The following GCNT2 variants were observed in gnomAD, a reference collection of about 807,000 sequenced individuals.
GCNT2 encodes the protein N-acetyllactosaminide beta-1,6-N-acetylglucosaminyl-transferase.
GCNT2 carries 34 observed loss-of-function variants against 34.2 expected under a neutral mutation model. The observed-to-expected ratio is 1.00, with a 90% CI of 0.76 to 1.32. The LOEUF (loss-of-function observed/expected upper bound fraction) is 1.32. Ranked by LOEUF, GCNT2 falls within the 40% of genes most tolerant of loss-of-function variation. The pLI, the probability that GCNT2 is intolerant of heterozygous loss-of-function variation, is 0.00. For missense variants in GCNT2, 584 were observed against 489.4 expected, an observed-to-expected ratio of 1.19 and a Z score of -1.82; for synonymous variants, 212 against 188.0, an observed-to-expected ratio of 1.13 and a Z score of -1.04.
intron 3 of GCNT2, among the ~76,000 whole-genome samples, chr6:10,540,190 G>A (rs1038342026): frequency 6.6e-6 from 1 of 152,132 alleles, no homozygotes; most frequent in Admixed American, 6.6e-5. Context: ...TGGCTGAAGA[G>A]GTTCCCTAGG....
In GCNT2 at chr6:10,529,558, C is replaced by G; in HGVS notation, c.647C>G (p.Thr216Ser). ...YLKGFKGKNI[T>S]PGVLPPDHAV... Reference sequence around the variant, plus strand: ...AAGGGATTTAAAGGGAAAAATATCACCCCCGGAGTGCTGCCTCCTGACCAC... The same window carrying G: ...AAGGGATTTAAAGGGAAAAATATCAGCCCCGGAGTGCTGCCTCCTGACCAC... Residue 216 changes from threonine to serine, a missense_variant, in exon 3 of 5, where the codon ACC becomes AGC. Transcript: ENST00000495262. The G allele has an allele frequency of 6.2e-7, 1 of 1,614,114 alleles. No individual in the cohort carries two copies. The highest frequency in any genetic ancestry group is 8.5e-7 in the Non-Finnish European group (1 of 1,179,972).
intron 3 of GCNT2, among the ~76,000 whole-genome samples, chr6:10,558,792 C>CT (rs1762838374): frequency 6.6e-6 from 1 of 152,264 alleles, no homozygotes; most frequent in Admixed American, 6.5e-5. Context: ...GGTGACTTTC[C>CT]TGGTGAATGC....
rs147217380 is a variant in GCNT2, at chr6:10,565,930, T to C, written c.925+36094T>C. ...CATGCGATCACATCCCTCTCCTCCT[T>C]AGAAGCTGTGTATGGATTCCCTTCC... On this transcript the variant is annotated intron_variant, in intron 3 of 4. Transcript: ENST00000495262. Among the ~76,000 whole-genome samples the C allele has an allele frequency of 5.6e-4, 85 of 152,276 alleles. 1 individual carries two copies. Among genetic ancestry groups the C allele is most frequent in the Non-Finnish European group, 9.3e-4 (63 of 68,018 alleles).
chr6:10,561,403 A>G (rs113928241), intron 3 of GCNT2, among the ~76,000 whole-genome samples: 3,775 of 152,282 alleles, frequency 0.025, 136 homozygotes, highest in African/African-American at 0.078. Flanking sequence ...CTCAGCCGAT[A>G]TGCCCACCTT....
intron 3 of GCNT2, 96 bp downstream of exon 3, chr6:10,529,932 C>G: frequency 9.9e-7 from 1 of 1,015,064 alleles, no homozygotes; most frequent in Non-Finnish European, 1.5e-6. Context: ...ATGGGACAAA[C>G]TTCTTTACGG....
intron 3 of GCNT2, among the ~76,000 whole-genome samples, chr6:10,536,257 A>G (rs1761745358): frequency 6.6e-6 from 1 of 152,190 alleles, no homozygotes; most frequent in Non-Finnish European, 1.5e-5. Flanking sequence ...AGGCGAATGG[A>G]CAGACTTGAA....
intron 3 of GCNT2, among the ~76,000 whole-genome samples, chr6:10,538,254 A>T (rs1056196720): frequency 6.6e-6 from 1 of 151,120 alleles, no homozygotes; most frequent in African/African-American, 2.4e-5. Context: ...CTAAAAAGGC[A>T]AAAATTAGCC....
chr6:10,608,144 C>G (rs1385660899), intron 3 of GCNT2, among the ~76,000 whole-genome samples: 1 of 142,910 alleles, frequency 7.0e-6, no homozygotes, highest in African/African-American at 2.7e-5. Flanking sequence ...GTGGCACGAT[C>G]TCGGCTCACT....
intron 3 of GCNT2, among the ~76,000 whole-genome samples, chr6:10,584,944 T>C (rs746662253): frequency 6.6e-6 from 1 of 152,104 alleles, no homozygotes; most frequent in Non-Finnish European, 1.5e-5. Context: ...GACTCTTTCA[T>C]GTAAAATGTC....
intron 3 of GCNT2, among the ~76,000 whole-genome samples, chr6:10,604,527 A>G (rs1765225712): frequency 2.0e-5 from 3 of 152,204 alleles, no homozygotes; most frequent in Admixed American, 2.0e-4. Flanking sequence ...TTACTGAGAC[A>G]TAATACTTGG....
chr6:10,581,856 C>T lies in GCNT2; in HGVS notation c.926-39495C>T, dbSNP rs538194704. ...AAATTTTACAGAAAAGGGTGTGGTT[C>T]TAGTAAGAATGAAGAGACATGAAGG... On this transcript the variant is annotated intron_variant, in intron 3 of 4. Coordinates refer to ENST00000495262, the MANE Select transcript of GCNT2 (RefSeq NM_145649.5). 39 of 984,660 alleles carry T rather than the reference C, an allele frequency of 4.0e-5. No individual in the cohort carries two copies. In the African/African-American group the frequency reaches 6.3e-4, roughly 16 times the overall value. The allele number at this position is 984,660 out of a possible 1,614,324, so 61.0% of individuals were successfully genotyped here. A position where few individuals can be genotyped will look rare whatever the true frequency, so the allele number is the denominator to read the frequency against.
In GCNT2 at chr6:10,569,235, C is replaced by CCACA. The variant is rs373362957; in HGVS notation, c.925+39435_925+39438dup. On this transcript the variant is annotated intron_variant, in intron 3 of 4. Transcript: ENST00000495262. The stretch of plus-strand genomic sequence containing the variant: ...CACCCCCTGCCACCCACTCCCCCCG[C>CCACA]CACACACACACACACACACACACAC... 8.9e-3 allele frequency among the ~76,000 whole-genome samples: 423 copies of CCACA among 47,510 alleles called. 20 individuals carry two copies. Among genetic ancestry groups the CCACA allele is most frequent in the East Asian group, 0.04 (50 of 1,244 alleles). 31.2% of individuals were successfully genotyped at this position (47,510 alleles called of 152,430 possible).
rs535296481 is a variant in GCNT2 at position 10,595,427 on chromosome 6, G to A, written c.926-25924G>A. Among the ~76,000 whole-genome samples, 15 of 151,986 alleles carry A rather than the reference G, an allele frequency of 9.9e-5. No individual in the cohort carries two copies. In the South Asian group the frequency reaches 2.7e-3, roughly 28 times the overall value. On this transcript the variant is annotated intron_variant, in intron 3 of 4. Coordinates refer to ENST00000495262, the MANE Select transcript of GCNT2 (RefSeq NM_145649.5). ...CAAGTAGCTGGGACTATAGGTGCCC[G>A]CCACCACACCCAGCTAATTTTTTGT...
rs554376217 is a variant in GCNT2 at position 10,563,408 on chromosome 6, G to A, written c.925+33572G>A. On this transcript the variant is annotated intron_variant, in intron 3 of 4. Transcript: ENST00000495262. Reference sequence around the variant, plus strand: ...ATTCTTATAAAACCCCATAAGAAGGGGACTGTTCCCATTTTACAGATGAGA... The same window carrying A: ...ATTCTTATAAAACCCCATAAGAAGGAGACTGTTCCCATTTTACAGATGAGA... Among the ~76,000 whole-genome samples the A allele has an allele frequency of 6.6e-5, 10 of 152,172 alleles. No individual in the cohort carries two copies. In the South Asian group the frequency reaches 2.1e-3, roughly 32 times the overall value.
intron 3 of GCNT2, among the ~76,000 whole-genome samples, chr6:10,530,502 C>T (rs1761433801): frequency 6.6e-6 from 1 of 152,098 alleles, no homozygotes; most frequent in Non-Finnish European, 1.5e-5. Flanking sequence ...TTGAAGCTCC[C>T]ATCCTTTTGA....
At chr6:10,597,383 G>A (rs533678900) in intron 3 of GCNT2, among the ~76,000 whole-genome samples, 6 of 151,916 alleles carry the variant, frequency 3.9e-5, no homozygotes, top group Middle Eastern at 3.4e-3. Flanking sequence ...TCAAACTCCC[G>A]AGCTCAAGCA....
intron 3 of GCNT2, among the ~76,000 whole-genome samples, chr6:10,611,830 T>C (rs1765569881): frequency 6.6e-6 from 1 of 152,164 alleles, no homozygotes; most frequent in South Asian, 2.1e-4. Context: ...CAATAAACTT[T>C]TGTAAAAAAT....
intron 3 of GCNT2, among the ~76,000 whole-genome samples, chr6:10,595,960 C>CT (rs771944039): frequency 6.6e-6 from 1 of 152,192 alleles, no homozygotes; most frequent in African/African-American, 2.4e-5. Flanking sequence ...TATGACAAAT[C>CT]TTTGAGTTGA....
At chr6:10,524,075 T>G (rs953064381) in intron 1 of GCNT2, among the ~76,000 whole-genome samples, 1 of 151,570 alleles carries the variant, frequency 6.6e-6, no homozygotes, top group African/African-American at 2.4e-5. Context: ...GCAGAGCCCC[T>G]TACAGCCTGC....
Sources: allele counts gnomAD v4.1 joint callset (sites outside exome capture counted in the v4.1 genomes callset), GRCh38; gene constraint gnomAD v4.1.1; transcripts MANE v1.5; gene names NCBI Gene and HGNC (gene_info 2026-07-23, HGNC 2026-07-21).